The following SNX29 variants were observed in gnomAD, a reference collection of about 807,000 sequenced individuals.
The protein encoded by SNX29 is sorting nexin-29.
SNX29 carries 78 observed loss-of-function variants against 102.1 expected under a neutral mutation model. The observed-to-expected ratio is 0.76, with a 90% CI of 0.64 to 0.92. The LOEUF (loss-of-function observed/expected upper bound fraction) is 0.92. Among genes scored for constraint, SNX29 ranks in the 40% least tolerant of loss-of-function variants. The pLI, the probability that SNX29 is intolerant of heterozygous loss-of-function variation, is 0.00. For missense variants in SNX29, 1,280 were observed against 1,061.7 expected, an observed-to-expected ratio of 1.21 and a Z score of -2.86; for synonymous variants, 580 against 414.5, an observed-to-expected ratio of 1.40 and a Z score of -4.85.
chr16:12,135,262 C>T (rs915181705), intron 13 of SNX29, among the ~76,000 whole-genome samples: 32 of 152,212 alleles, frequency 2.1e-4, no homozygotes, highest in Non-Finnish European at 3.8e-4. Context: ...TCTGGGCATC[C>T]GGTGGCCCAC....
intron 18 of SNX29, among the ~76,000 whole-genome samples, chr16:12,410,501 C>G (rs1019728908): frequency 6.6e-6 from 1 of 152,004 alleles, no homozygotes; most frequent in Non-Finnish European, 1.5e-5. Flanking sequence ...GGCTGGGGTG[C>G]AGTGGCACAA....
At chr16:12,238,726 T>C (rs951759011) in intron 14 of SNX29, among the ~76,000 whole-genome samples, 1 of 152,226 alleles carries the variant, frequency 6.6e-6, no homozygotes, top group African/African-American at 2.4e-5. Flanking sequence ...GGAATTGTGC[T>C]TGGCTGCTGG....
At chr16:12,090,486 A>G in intron 11 of SNX29, among the ~76,000 whole-genome samples, 1 of 152,136 alleles carries the variant, frequency 6.6e-6, no homozygotes, top group Non-Finnish European at 1.5e-5. Flanking sequence ...TTGAAGTCAC[A>G]TCTGGAGACC....
intron 20 of SNX29, among the ~76,000 whole-genome samples, chr16:12,534,839 C>T (rs1458166680): frequency 1.3e-5 from 2 of 152,150 alleles, no homozygotes; most frequent in African/African-American, 2.4e-5. Context: ...GGAGTGAATG[C>T]AGACATTTTT....
chr16:12,544,361 G>A (rs1302604160), intron 20 of SNX29, among the ~76,000 whole-genome samples: 1 of 152,234 alleles, frequency 6.6e-6, no homozygotes, highest in African/African-American at 2.4e-5. Flanking sequence ...GAAAGGAGAA[G>A]TGATGCTGGG....
chr16:12,482,828 TC>T (rs1304114898), intron 19 of SNX29, among the ~76,000 whole-genome samples: 1 of 152,260 alleles, frequency 6.6e-6, no homozygotes, highest in Non-Finnish European at 1.5e-5. Flanking sequence ...GTGATCTTAA[TC>T]CCAATTTGAA....
At chr16:12,491,900 G>A (rs1057084793) in intron 19 of SNX29, among the ~76,000 whole-genome samples, 8 of 152,200 alleles carry the variant, frequency 5.3e-5, no homozygotes, top group Admixed American at 3.3e-4. Context: ...TGGTGTATAT[G>A]TGCCACATTT....
intron 15 of SNX29, among the ~76,000 whole-genome samples, chr16:12,332,965 A>G (rs140269886): frequency 0.013 from 2,013 of 152,204 alleles, 21 homozygotes; most frequent in Non-Finnish European, 0.02. Context: ...GTGTGCATGT[A>G]CAGACGCTCC....
At chr16:12,498,456 C>T (rs751087517) in intron 19 of SNX29, among the ~76,000 whole-genome samples, 8 of 152,172 alleles carry the variant, frequency 5.3e-5, no homozygotes, top group African/African-American at 1.2e-4. Context: ...TAGCAGGAGA[C>T]GCTGGGCTAG....
chr16:12,022,231 G>C (rs536198998), intron 3 of SNX29, among the ~76,000 whole-genome samples: 1 of 144,244 alleles, frequency 6.9e-6, no homozygotes, highest in Non-Finnish European at 1.5e-5. Flanking sequence ...GCAGAGTTTC[G>C]CTCTTGTTGC....
At chr16:12,279,838 AG>A (rs1159694951) in intron 15 of SNX29, among the ~76,000 whole-genome samples, 5 of 152,326 alleles carry the variant, frequency 3.3e-5, no homozygotes, top group South Asian at 2.1e-4. Flanking sequence ...AGAAGGTGAA[AG>A]GGTTCTCAGA....
chr16:12,204,947 G>A (rs1701111), intron 14 of SNX29, among the ~76,000 whole-genome samples: 80,235 of 151,584 alleles, frequency 0.53, 25,571 homozygotes, highest in Non-Finnish European at 0.69. Flanking sequence ...ACCCATGTGC[G>A]CTTTGTGCTC....
chr16:12,126,758 A>G, intron 12 of SNX29, 62 bp downstream of exon 12: 3 of 1,560,884 alleles, frequency 1.9e-6, no homozygotes, highest in Non-Finnish European at 2.6e-6. Flanking sequence ...TCTGGGGAAG[A>G]CAGAATATAA....
intron 15 of SNX29, among the ~76,000 whole-genome samples, chr16:12,329,169 C>G (rs1449680187): frequency 6.8e-6 from 1 of 147,398 alleles, no homozygotes; most frequent in African/African-American, 2.5e-5. Flanking sequence ...CCCAGCTACT[C>G]AGGAGGCTGA....
At chr16:12,501,798 A>G (rs1048817784) in intron 19 of SNX29, among the ~76,000 whole-genome samples, 2 of 150,556 alleles carry the variant, frequency 1.3e-5, no homozygotes, top group African/African-American at 4.9e-5. Context: ...TGGAATTTTC[A>G]GCCTAGCAGA....
rs1016818790 is a variant in SNX29, at chr16:12,037,679, C to T, written c.248-5218C>T. Among the ~76,000 whole-genome samples the T allele has an allele frequency of 6.6e-5, 10 of 151,808 alleles. 1 individual carries two copies. The highest frequency in any genetic ancestry group is 3.9e-4 in the Admixed American group (6 of 15,222). On this transcript the variant is annotated intron_variant, in intron 4 of 20. Coordinates refer to ENST00000566228, the MANE Select transcript of SNX29 (RefSeq NM_032167.5). ...AGAAGAAAGGGAAAGGGACCAGGCTCAGTGGTTTACGCCTGTAATCCCAGT... is the reference window on the plus strand; with the variant it reads ...AGAAGAAAGGGAAAGGGACCAGGCTTAGTGGTTTACGCCTGTAATCCCAGT...
At chr16:12,237,485 G>T (rs2077971796) in intron 14 of SNX29, among the ~76,000 whole-genome samples, 1 of 152,196 alleles carries the variant, frequency 6.6e-6, no homozygotes, top group Non-Finnish European at 1.5e-5. Flanking sequence ...TTTAGATGGG[G>T]CCTGGCCGGG....
At chr16:12,389,560 C>T (rs568185653) in intron 16 of SNX29, among the ~76,000 whole-genome samples, 1 of 152,268 alleles carries the variant, frequency 6.6e-6, no homozygotes, top group South Asian at 2.1e-4. Flanking sequence ...CATTAAACCT[C>T]TTTCCTTTAT....
chr16:12,365,493 C>T (rs994075445), intron 16 of SNX29, among the ~76,000 whole-genome samples: 43 of 150,036 alleles, frequency 2.9e-4, no homozygotes, highest in African/African-American at 8.3e-4. Context: ...AGTTCGAGAC[C>T]GGCCTGGCCA....
Sources: allele counts gnomAD v4.1 joint callset (sites outside exome capture counted in the v4.1 genomes callset), GRCh38; gene constraint gnomAD v4.1.1; transcripts MANE v1.5; gene names NCBI Gene and HGNC (gene_info 2026-07-23, HGNC 2026-07-21).